CLHC1: variants seen among roughly 807,000 people sequenced by gnomAD.
CLHC1 encodes the protein clathrin heavy chain linker domain containing 1.
In CLHC1, 72 loss-of-function variants were observed where a neutral mutation model predicts 69.5. The observed-to-expected ratio is 1.04, with a 90% CI of 0.86 to 1.26. The LOEUF is 1.26. Ranked by LOEUF, CLHC1 falls within the 50% of genes most tolerant of loss-of-function variation. CLHC1 has a pLI of 0.00. For synonymous variants in CLHC1, 223 were observed against 224.3 expected (o/e 0.99, Z 0.05); for missense variants, 790 against 679.3 (o/e 1.16, Z -1.81).
At chr2:55,224,590 G>A (rs1480348842) in intron 2 of CLHC1, 1 of 260,228 alleles carries the variant, frequency 3.8e-6, no homozygotes, top group Non-Finnish European at 7.9e-6. Flanking sequence ...AACAGCCAAG[G>A]GGGATGAGAT....
rs527305254 is a variant in CLHC1, at chr2:55,224,468, C to T, written c.-82-1975G>A. On this transcript the variant is annotated intron_variant, in intron 2 of 12. Coordinates refer to ENST00000401408, the MANE Select transcript of CLHC1 (RefSeq NM_152385.4). ...TGTCAGATTCCTGGTCCTTAGCTGG[C>T]GCTGCAGTTTGTGCAGCAGGCTGTG... The T allele has an allele frequency of 3.3e-5, 13 of 389,928 alleles. No homozygotes were observed. In the Admixed American group the frequency reaches 3.5e-4, roughly 11 times the overall value. The allele number at this position is 389,928 out of a possible 1,614,324, so 24.2% of individuals were successfully genotyped here. A position where few individuals can be genotyped will look rare whatever the true frequency, so the allele number is the denominator to read the frequency against.
intron 9 of CLHC1, among the ~76,000 whole-genome samples, chr2:55,182,416 A>AT (rs1322771823): frequency 1.3e-5 from 2 of 152,184 alleles, no homozygotes; most frequent in East Asian, 1.9e-4. Context: ...ACTACAATTC[A>AT]TTTTTTATTA....
chr2:55,190,570 T>A (rs1331979452), intron 9 of CLHC1, among the ~76,000 whole-genome samples: 1 of 151,976 alleles, frequency 6.6e-6, no homozygotes, highest in Non-Finnish European at 1.5e-5. Flanking sequence ...GAAACTCAAA[T>A]CAAAGTTACA....
chr2:55,184,703 G>C (rs767449228), intron 9 of CLHC1, among the ~76,000 whole-genome samples: 1 of 151,974 alleles, frequency 6.6e-6, no homozygotes, highest in Non-Finnish European at 1.5e-5. Context: ...TCAGGAGTTC[G>C]AGACCAGTCT....
chr2:55,228,456 C>A (rs1674928158), intron 1 of CLHC1, among the ~76,000 whole-genome samples: 1 of 152,198 alleles, frequency 6.6e-6, no homozygotes, highest in Non-Finnish European at 1.5e-5. Context: ...GTTACATAAA[C>A]CAACCAAGAT....
chr2:55,173,841 T>A lies in CLHC1; in HGVS notation c.*1949A>T, dbSNP rs536968182. Among the ~76,000 whole-genome samples, 253 of 152,310 alleles carry A rather than the reference T, an allele frequency of 1.7e-3. No homozygotes were observed. The highest frequency in any genetic ancestry group is 6.8e-3 in the Middle Eastern group (2 of 294). On this transcript the variant is annotated 3_prime_UTR_variant, in exon 13 of 13. Coordinates refer to ENST00000401408, the MANE Select transcript of CLHC1 (RefSeq NM_152385.4). ...AATGCTAACTGAGAAGGAGTAATAATGAGAAAAGGAAAAACAAGGCAAAAT... is the reference window on the plus strand; with the variant it reads ...AATGCTAACTGAGAAGGAGTAATAAAGAGAAAAGGAAAAACAAGGCAAAAT...
Position 55,212,706 on chromosome 2 carries a change from T to C in CLHC1, c.466A>G (p.Thr156Ala), listed in dbSNP as rs1198366816. ...GGTTTTGAAGGATCTTTGGAGAAAGTACAATATTTTACTTCTTTTGTGTCA... is the reference window on the plus strand; with the variant it reads ...GGTTTTGAAGGATCTTTGGAGAAAGCACAATATTTTACTTCTTTTGTGTCA... ...EYDTKEVKYC[T>A]FSKDPSKPIP... Residue 156 changes from threonine to alanine, a missense_variant, in exon 5 of 13, where the codon ACT (threonine) becomes GCT (alanine). Thr to Ala is a moderately conservative substitution (Grantham distance 58). Transcript: ENST00000401408. 2 of 1,597,058 alleles carry C rather than the reference T, an allele frequency of 1.3e-6. No homozygotes were observed. Among genetic ancestry groups the C allele is most frequent in the South Asian group, 1.1e-5 (1 of 90,680 alleles).
intron 11 of CLHC1, among the ~76,000 whole-genome samples, chr2:55,178,466 T>A (rs576261067): frequency 6.6e-6 from 1 of 152,332 alleles, no homozygotes; most frequent in South Asian, 2.1e-4. Flanking sequence ...AATCTAAAGC[T>A]ACAATTATGA....
chr2:55,211,617 C>G (rs965898725), intron 5 of CLHC1, among the ~76,000 whole-genome samples: 8 of 151,648 alleles, frequency 5.3e-5, no homozygotes, highest in Admixed American at 2.0e-4. Flanking sequence ...TACTTCAACA[C>G]ACAGCTTCTT....
chr2:55,216,934 G>A (rs1308530409), intron 4 of CLHC1, among the ~76,000 whole-genome samples: 1 of 152,132 alleles, frequency 6.6e-6, no homozygotes, highest in African/African-American at 2.4e-5. Context: ...GATCGCTTGA[G>A]CTCACAAGTT....
At chr2:55,180,481 G>A (rs1203350301) in intron 11 of CLHC1, 29 bp downstream of exon 11, 1 of 1,535,004 alleles carries the variant, frequency 6.5e-7, no homozygotes, top group Non-Finnish European at 9.0e-7. Flanking sequence ...GAATTCAAAT[G>A]TATACAAATG....
At position 55,200,287 on chromosome 2, in the gene CLHC1, T is replaced by C. The variant is rs967866853; in HGVS notation, c.1006+5983A>G. ...AAAAAAAAAAGACCCAATGATCTGT[T>C]GCCTACAAGAAACACTTCATCTTTA... On this transcript the variant is annotated intron_variant, in intron 9 of 12. Transcript: ENST00000401408. Among the ~76,000 whole-genome samples, 9 of 144,660 alleles carry C rather than the reference T, an allele frequency of 6.2e-5. 1 individual carries two copies. Among genetic ancestry groups the C allele is most frequent in the African/African-American group, 1.8e-4 (7 of 39,026 alleles). The allele number at this position is 144,660 out of a possible 152,430, so 94.9% of individuals were successfully genotyped here.
chr2:55,219,409 A>T (rs1673899300), intron 3 of CLHC1, among the ~76,000 whole-genome samples: 1 of 152,208 alleles, frequency 6.6e-6, no homozygotes, highest in Admixed American at 6.5e-5. Context: ...TGCTTAACCA[A>T]CAAAATATTT....
Position 55,180,661 on chromosome 2 carries a change from C to G in CLHC1, c.1233G>C (p.Gln411His). 1 of 1,614,040 alleles carries G rather than the reference C, an allele frequency of 6.2e-7. No individual in the cohort carries two copies. The highest frequency in any genetic ancestry group is 2.2e-5 in the East Asian group (1 of 44,852). ...GGCACTTGGCCTTGTTATAAGTATC[C>G]TGCTCCCCATAATCACAAATCACAT... ...AGDVICDYGE[Q>H]DTYNKAKCLA... The change falls in exon 11 of 13, where the codon CAG (glutamine) becomes CAC (histidine). Residue 411 changes from glutamine (Q) to histidine (H), a missense_variant. By Grantham distance (24) the Gln-to-His change is conservative. Coordinates refer to ENST00000401408, the MANE Select transcript of CLHC1 (RefSeq NM_152385.4).
chr2:55,177,783 T>C lies in CLHC1; in HGVS notation c.1385-2A>G, dbSNP rs372061125. 6.3e-7 allele frequency: 1 copy of C among 1,597,586 alleles called. No individual in the cohort carries two copies. The highest frequency in any genetic ancestry group is 1.4e-5 in the African/African-American group (1 of 73,870). The stretch of plus-strand genomic sequence containing the variant: ...ACATTAATAGCTGCAACAGGTCATC[T>C]GAAGGCAAAAATGAAAAAGTTTATC... On this transcript the variant is annotated splice_acceptor_variant, in intron 11 of 12. Coordinates refer to ENST00000401408, the MANE Select transcript of CLHC1 (RefSeq NM_152385.4). LOFTEE classifies it high-confidence loss of function.
chr2:55,204,640 T>C (rs1490523940), intron 9 of CLHC1, among the ~76,000 whole-genome samples: 2 of 152,172 alleles, frequency 1.3e-5, no homozygotes, highest in African/African-American at 4.8e-5. Context: ...ATCCTATGAT[T>C]AATGCAGTGC....
intron 2 of CLHC1, among the ~76,000 whole-genome samples, chr2:55,223,722 CGGCAGGGGCCTA>C (rs1196838472): frequency 7.2e-5 from 11 of 152,056 alleles, no homozygotes; most frequent in Non-Finnish European, 1.5e-4. Context: ...CCAGGAGCCT[CGGCAGGGGCCTA>C]GGACGCCCCG....
rs1573699297 is a variant in CLHC1, at chr2:55,206,252, T to C, written c.1006+18A>G. 7.2e-7 allele frequency: 1 copy of C among 1,395,514 alleles called. No homozygotes were observed. The highest frequency in any genetic ancestry group is 2.3e-5 in the East Asian group (1 of 43,780). The allele number at this position is 1,395,514 out of a possible 1,614,324, so 86.4% of individuals were successfully genotyped here. A position where few individuals can be genotyped will look rare whatever the true frequency, so the allele number is the denominator to read the frequency against. On this transcript the variant is annotated intron_variant, in intron 9 of 12. Transcript: ENST00000401408. ...GTAAATTTTCATACATATATAAGGT[T>C]CAGAGAGAAATGCTTACCCTTAAAT...
intron 9 of CLHC1, among the ~76,000 whole-genome samples, chr2:55,182,773 A>G (rs997883488): frequency 2.0e-5 from 3 of 152,028 alleles, no homozygotes; most frequent in Admixed American, 6.5e-5. Context: ...AGGAGATTCC[A>G]TGAAAGGCGG....
Sources: allele counts gnomAD v4.1 joint callset (sites outside exome capture counted in the v4.1 genomes callset), GRCh38; gene constraint gnomAD v4.1.1; transcripts MANE v1.5; gene names NCBI Gene and HGNC (gene_info 2026-07-23, HGNC 2026-07-21).